Variants in EEPD1 observed in about 807,000 individuals in gnomAD.
EEPD1 encodes endonuclease/exonuclease/phosphatase family domain containing 1.
Under a neutral mutation model 46.3 loss-of-function variants are expected in EEPD1, and 17 were observed. The ratio of observed to expected loss-of-function variants is 0.37; its 90% CI spans 0.25 to 0.55. The LOEUF (loss-of-function observed/expected upper bound fraction) is 0.55, where lower values mean the gene tolerates loss of function less well. Ranked by LOEUF, EEPD1 falls within the 20% of genes least tolerant of loss-of-function variation. The probability of loss-of-function intolerance (pLI) is 0.83; values close to 1 mark genes in which losing one functional copy is unlikely to be tolerated. For missense variants in EEPD1, 673 were observed against 745.6 expected, an observed-to-expected ratio of 0.90 and a Z score of 1.13; for synonymous variants, 313 against 315.6, an observed-to-expected ratio of 0.99 and a Z score of 0.09.
intron 3 of EEPD1, among the ~76,000 whole-genome samples, chr7:36,269,142 A>C (rs1020189689): frequency 1.3e-5 from 2 of 152,166 alleles, no homozygotes; most frequent in Non-Finnish European, 2.9e-5. Flanking sequence ...TGGCCATTTT[A>C]AACACACAGA....
Position 36,213,146 on chromosome 7 carries a change from C to T in EEPD1, c.879-25839C>T, listed in dbSNP as rs140715155. On this transcript the variant is annotated intron_variant, in intron 2 of 7. Transcript: ENST00000242108. ...CCAGCATGGGCAACACAGCAAGATT[C>T]CAACTCCAAAAAATAAAAATAAATA... Among the ~76,000 whole-genome samples, 42 of 152,118 alleles carry T rather than the reference C, an allele frequency of 2.8e-4. 1 individual carries two copies. In the East Asian group the frequency reaches 4.6e-3, roughly 17 times the overall value.
intron 2 of EEPD1, among the ~76,000 whole-genome samples, chr7:36,220,489 C>T (rs143586283): frequency 2.6e-5 from 4 of 152,296 alleles, no homozygotes; most frequent in Admixed American, 1.3e-4. Context: ...AGTTCCATAG[C>T]TTCATCTCTT....
At chr7:36,190,742 T>C (rs1785447689) in intron 2 of EEPD1, among the ~76,000 whole-genome samples, 2 of 152,222 alleles carry the variant, frequency 1.3e-5, no homozygotes, top group Non-Finnish European at 2.9e-5. Flanking sequence ...CAGGTACAGC[T>C]ATAAAACAAA....
In EEPD1 at chr7:36,154,274, G is replaced by A. The variant is rs1784776554; in HGVS notation, c.-51G>A. On this transcript the variant is annotated 5_prime_UTR_variant, in exon 2 of 8. Transcript: ENST00000242108. The surrounding 1 kb of genome is among the most constrained non-coding windows in gnomAD (Gnocchi z 4.2). ...CTACTGGGCTTCCTCCCTAGCCAGA[G>A]AGCTCTTCTGCAGTGGTGCGGCCTT... 1 of 1,554,096 alleles carries A rather than the reference G, an allele frequency of 6.4e-7. No individual in the cohort carries two copies. The highest frequency in any genetic ancestry group is 8.7e-7 in the Non-Finnish European group (1 of 1,155,974).
At chr7:36,158,833 G>C (rs1254799389) in intron 2 of EEPD1, among the ~76,000 whole-genome samples, 3 of 152,198 alleles carry the variant, frequency 2.0e-5, no homozygotes, top group Admixed American at 6.5e-5. Context: ...AAGTCATTCT[G>C]TTTTGAGAGT....
chr7:36,210,270 G>A (rs1158599751), intron 2 of EEPD1, among the ~76,000 whole-genome samples: 1 of 152,122 alleles, frequency 6.6e-6, no homozygotes, highest in African/African-American at 2.4e-5. Context: ...TGAATAAAAG[G>A]AAAAATAAAC....
At chr7:36,285,206 C>A (rs1280764523) in intron 5 of EEPD1, among the ~76,000 whole-genome samples, 4 of 152,184 alleles carry the variant, frequency 2.6e-5, no homozygotes, top group Admixed American at 2.6e-4. Flanking sequence ...TTCCAAAAGC[C>A]CCTTCAGTGA....
chr7:36,211,882 G>T (rs897479451), intron 2 of EEPD1, among the ~76,000 whole-genome samples: 4 of 150,096 alleles, frequency 2.7e-5, no homozygotes, highest in African/African-American at 7.4e-5. Context: ...CCAAGATTGC[G>T]CCACTGCATT....
At chr7:36,185,115 C>T (rs1785343037) in intron 2 of EEPD1, among the ~76,000 whole-genome samples, 1 of 152,238 alleles carries the variant, frequency 6.6e-6, no homozygotes, top group South Asian at 2.1e-4. Context: ...TTTGTGCTCT[C>T]CCCACACAGG....
At chr7:36,290,061 T>A (rs891789542) in intron 6 of EEPD1, among the ~76,000 whole-genome samples, 5 of 152,210 alleles carry the variant, frequency 3.3e-5, no homozygotes, top group African/African-American at 1.2e-4. Context: ...TGGGAAATTG[T>A]CCACCTATAG....
chr7:36,213,146 C>G (rs140715155), intron 2 of EEPD1, among the ~76,000 whole-genome samples: 1 of 152,000 alleles, frequency 6.6e-6, no homozygotes, highest in East Asian at 1.9e-4. Flanking sequence ...CAGCAAGATT[C>G]CAACTCCAAA....
At position 36,163,143 on chromosome 7, in the gene EEPD1, A is replaced by G. The variant is rs192565674; in HGVS notation, c.878+7941A>G. 2.6e-4 allele frequency among the ~76,000 whole-genome samples: 39 copies of G among 151,086 alleles called. 1 individual carries two copies. The East Asian group carries it at 7.2e-3, about 28-fold the overall frequency. The stretch of plus-strand genomic sequence containing the variant: ...TATGTTTCTTGAATGGGAAAAAGCC[A>G]ATATTTGGGTGACATTAGGCCTTGG... On this transcript the variant is annotated intron_variant, in intron 2 of 7. Transcript: ENST00000242108.
chr7:36,237,413 A>C (rs1786473093), intron 2 of EEPD1, among the ~76,000 whole-genome samples: 1 of 152,192 alleles, frequency 6.6e-6, no homozygotes, highest in Non-Finnish European at 1.5e-5. Context: ...CTGGGATTAC[A>C]GGCATGAGCC....
intron 2 of EEPD1, among the ~76,000 whole-genome samples, chr7:36,160,227 A>G (rs1177687549): frequency 6.6e-6 from 1 of 152,226 alleles, no homozygotes; most frequent in Non-Finnish European, 1.5e-5. Context: ...AGGCTCTGGT[A>G]ATAAAGTGGA....
chr7:36,221,038 G>A (rs774905302), intron 2 of EEPD1, among the ~76,000 whole-genome samples: 26 of 152,118 alleles, frequency 1.7e-4, no homozygotes, highest in African/African-American at 6.3e-4. Context: ...AGAACTCCTC[G>A]CCTGAAATGA....
chr7:36,234,128 A>G (rs537282324), intron 2 of EEPD1, among the ~76,000 whole-genome samples: 23 of 152,198 alleles, frequency 1.5e-4, no homozygotes, highest in Admixed American at 1.1e-3. Flanking sequence ...CATGTTGGCC[A>G]GGCTGGTCTC....
chr7:36,234,355 ATAAAT>A (rs1786390337), intron 2 of EEPD1, among the ~76,000 whole-genome samples: 2 of 152,340 alleles, frequency 1.3e-5, no homozygotes, highest in Admixed American at 1.3e-4. Flanking sequence ...GAAGAATTCT[ATAAAT>A]TAAGGTGAAC....
At chr7:36,216,311 C>T (rs1341622259) in intron 2 of EEPD1, among the ~76,000 whole-genome samples, 1 of 152,162 alleles carries the variant, frequency 6.6e-6, no homozygotes, top group Non-Finnish European at 1.5e-5. Context: ...TGTTCCCCTC[C>T]TGTCACCATT....
chr7:36,282,912 T>C (rs867834117), intron 4 of EEPD1, among the ~76,000 whole-genome samples: 1 of 152,190 alleles, frequency 6.6e-6, no homozygotes, highest in Admixed American at 6.5e-5. Context: ...TCCAAAAAAA[T>C]TTAAACACTA....
Sources: gnomAD v4.1 joint callset for allele counts (sites outside exome capture counted in the v4.1 genomes callset) on GRCh38, gnomAD v4.1.1 for gene constraint, Gnocchi (gnomAD v3.1) non-coding constraint, MANE v1.5 for transcripts, NCBI Gene and HGNC (gene_info 2026-07-23, HGNC 2026-07-21) for gene names.